The following LHX4 variants were observed in gnomAD, a reference collection of about 807,000 sequenced individuals.
LHX4 encodes the protein LIM homeobox 4.
LHX4 carries 16 observed loss-of-function variants against 39.2 expected under a neutral mutation model. That is an observed-to-expected ratio of 0.41 (90% CI 0.28 to 0.62). The LOEUF (loss-of-function observed/expected upper bound fraction) is 0.62. LHX4 is among the 20% of genes least tolerant of loss of function. The probability of loss-of-function intolerance (pLI) is 0.33; values close to 1 mark genes in which losing one functional copy is unlikely to be tolerated. For synonymous variants in LHX4, 206 were observed against 198.1 expected, an observed-to-expected ratio of 1.04 and a Z score of -0.33; for missense variants, 439 against 511.9, an observed-to-expected ratio of 0.86 and a Z score of 1.37.
rs377503336 is a variant in LHX4, at chr1:180,248,430, C to T, written c.222C>T (p.Ser74=). The change falls in exon 2 of 6, where the codon AGC becomes AGT. Residue 74 remains serine, a synonymous_variant. Coordinates refer to ENST00000263726, the MANE Select transcript of LHX4 (RefSeq NM_033343.4). ...LADRCFSRAG[S]VYCKEDFFKR... is the part of the protein sequence containing the mutation. Reference sequence around the variant, plus strand: ...ACAGGTGCTTCTCCAGGGCTGGGAGCGTCTACTGCAAGGAGGACTTCTTCA... The same window carrying T: ...ACAGGTGCTTCTCCAGGGCTGGGAGTGTCTACTGCAAGGAGGACTTCTTCA... 9.9e-6 allele frequency: 16 copies of T among 1,614,200 alleles called. No individual in the cohort carries two copies. The South Asian group carries it at 1.2e-4, about 12-fold the overall frequency.
chr1:180,260,694 G>A (rs1648078728), intron 2 of LHX4, among the ~76,000 whole-genome samples: 1 of 151,796 alleles, frequency 6.6e-6, no homozygotes. Context: ...GGGGGGTGAG[G>A]GCTTCCCTGG....
intron 1 of LHX4, among the ~76,000 whole-genome samples, chr1:180,237,606 C>T (rs971335294): frequency 1.3e-5 from 2 of 152,110 alleles, no homozygotes; most frequent in Admixed American, 6.5e-5. Flanking sequence ...AGTCCTACCT[C>T]CTGCTGTAAT....
At chr1:180,257,539 T>C (rs1647907844) in intron 2 of LHX4, among the ~76,000 whole-genome samples, 1 of 152,206 alleles carries the variant, frequency 6.6e-6, no homozygotes, top group Non-Finnish European at 1.5e-5. Flanking sequence ...GAACTTTATG[T>C]GCCCATGACA....
rs533966664 is a variant in LHX4 at position 180,258,605 on chromosome 1, A to G, written c.249-7787A>G. 4.6e-5 allele frequency among the ~76,000 whole-genome samples: 7 copies of G among 152,252 alleles called. No individual in the cohort carries two copies. The East Asian group carries it at 1.2e-3, about 25-fold the overall frequency. On this transcript the variant is annotated intron_variant, in intron 2 of 5. Coordinates refer to ENST00000263726, the MANE Select transcript of LHX4 (RefSeq NM_033343.4). ...GGCTGATGGCAGCCCAAGCTAGGGA[A>G]GGCGGTGTGGGTGTGAGAAGTGGTC...
intron 2 of LHX4, among the ~76,000 whole-genome samples, chr1:180,261,460 C>T (rs747212850): frequency 6.6e-6 from 1 of 152,160 alleles, no homozygotes; most frequent in African/African-American, 2.4e-5. Context: ...AGGCCAGCCT[C>T]GGCAACATAG....
intron 1 of LHX4, among the ~76,000 whole-genome samples, chr1:180,241,998 G>A (rs59949838): frequency 0.16 from 24,168 of 150,104 alleles, 2,109 homozygotes; most frequent in Non-Finnish European, 0.2. Context: ...TTTTTTTTCT[G>A]TAGAGACAGG....
intron 2 of LHX4, among the ~76,000 whole-genome samples, chr1:180,254,895 G>C (rs761439324): frequency 6.6e-6 from 1 of 152,232 alleles, no homozygotes; most frequent in Non-Finnish European, 1.5e-5. Context: ...CACATAGGGA[G>C]GAGGAAAGAA....
intron 2 of LHX4, among the ~76,000 whole-genome samples, chr1:180,265,649 T>G (rs1648281676): frequency 6.6e-6 from 1 of 152,188 alleles, no homozygotes; most frequent in Non-Finnish European, 1.5e-5. Context: ...TGAAGCAGCA[T>G]TTTCCAAACT....
chr1:180,265,877 G>A (rs191074782), intron 2 of LHX4, among the ~76,000 whole-genome samples: 1 of 152,364 alleles, frequency 6.6e-6, no homozygotes, highest in Admixed American at 6.5e-5. Context: ...CTGACAAAGT[G>A]CATTTTCTCT....
intron 1 of LHX4, among the ~76,000 whole-genome samples, chr1:180,237,455 T>C (rs1664351268): frequency 6.6e-6 from 1 of 152,154 alleles, no homozygotes; most frequent in Non-Finnish European, 1.5e-5. Flanking sequence ...GGAGCACAAG[T>C]CAACCATTTT....
In LHX4 at chr1:180,232,706, T is replaced by C. The variant is rs1429235095; in HGVS notation, c.76+2101T>C. 6.6e-6 allele frequency among the ~76,000 whole-genome samples: 1 copy of C among 152,224 alleles called. No homozygotes were observed. The highest frequency in any genetic ancestry group is 1.9e-4 in the East Asian group (1 of 5,196). ...CTTGGAATGTGAATGGATTGTAGCCTCCCTTGCAGCACATCTGGCCTCTGG... is the reference window on the plus strand; with the variant it reads ...CTTGGAATGTGAATGGATTGTAGCCCCCCTTGCAGCACATCTGGCCTCTGG... On this transcript the variant is annotated intron_variant, in intron 1 of 5. Transcript: ENST00000263726. The surrounding 1 kb of genome is among the most constrained non-coding windows in gnomAD (Gnocchi z 5.4).
At chr1:180,254,689 G>A (rs896141885) in intron 2 of LHX4, among the ~76,000 whole-genome samples, 10 of 152,222 alleles carry the variant, frequency 6.6e-5, no homozygotes, top group African/African-American at 2.4e-4. Context: ...GCTTCATGGA[G>A]AGCAGGTGCG....
intron 2 of LHX4, among the ~76,000 whole-genome samples, chr1:180,249,615 G>T (rs1647519155): frequency 6.6e-6 from 1 of 152,256 alleles, no homozygotes; most frequent in African/African-American, 2.4e-5. Flanking sequence ...GAAGATGGGG[G>T]TTGAGGGGGA....
At chr1:180,267,520 A>T (rs1220091428) in intron 3 of LHX4, among the ~76,000 whole-genome samples, 1 of 152,026 alleles carries the variant, frequency 6.6e-6, no homozygotes, top group Non-Finnish European at 1.5e-5. Flanking sequence ...CTGGCTTCTC[A>T]CTCCCAGATG....
chr1:180,275,514 G>A lies in LHX4; in HGVS notation c.*935G>A, dbSNP rs1403050688. The A allele has an allele frequency of 6.6e-6, 1 of 152,238 alleles. No individual in the cohort carries two copies. The highest frequency in any genetic ancestry group is 1.5e-5 in the Non-Finnish European group (1 of 68,046). 9.4% of individuals were successfully genotyped at this position (152,238 alleles called of 1,614,324 possible). On this transcript the variant is annotated 3_prime_UTR_variant, in exon 6 of 6. Transcript: ENST00000263726. ...TGTTCAGCCATATCGGCTGATGCCA[G>A]TCTTCCAGAGTTCCCCATCCCTTGT... is the stretch of plus-strand genomic sequence containing the variant.
At chr1:180,249,089 A>G (rs1647498862) in intron 2 of LHX4, among the ~76,000 whole-genome samples, 1 of 152,224 alleles carries the variant, frequency 6.6e-6, no homozygotes, top group African/African-American at 2.4e-5. Context: ...GCTCTTGGGT[A>G]GGTTACTTAA....
At chr1:180,244,160 C>A (rs1647296154) in intron 1 of LHX4, among the ~76,000 whole-genome samples, 1 of 152,212 alleles carries the variant, frequency 6.6e-6, no homozygotes, top group African/African-American at 2.4e-5. Context: ...CTTCTGATGC[C>A]TGCGTGTATT....
intron 1 of LHX4, among the ~76,000 whole-genome samples, chr1:180,246,954 A>G (rs1231099228): frequency 6.6e-6 from 1 of 152,200 alleles, no homozygotes; most frequent in Non-Finnish European, 1.5e-5. Context: ...TGTCTTTTAT[A>G]ATAGGGGTGG....
At chr1:180,239,707 T>G (rs1188876677) in intron 1 of LHX4, among the ~76,000 whole-genome samples, 4 of 152,236 alleles carry the variant, frequency 2.6e-5, no homozygotes, top group African/African-American at 9.6e-5. Context: ...GGGAAGCCCC[T>G]TATTCTCAGA....
Sources: allele counts gnomAD v4.1 joint callset (sites outside exome capture counted in the v4.1 genomes callset), GRCh38; gene constraint gnomAD v4.1.1; non-coding constraint Gnocchi (gnomAD v3.1); transcripts MANE v1.5; gene names NCBI Gene and HGNC (gene_info 2026-07-23, HGNC 2026-07-21).